The following PTPRO variants were observed in gnomAD, a reference collection of about 807,000 sequenced individuals.
PTPRO encodes the protein protein tyrosine phosphatase receptor type O, also known as receptor-type tyrosine-protein phosphatase O.
In PTPRO, 62 loss-of-function variants were observed where a neutral mutation model predicts 145.2. The ratio of observed to expected loss-of-function variants is 0.43; its 90% CI spans 0.35 to 0.53. The LOEUF (loss-of-function observed/expected upper bound fraction) is 0.53, where lower values mean the gene tolerates loss of function less well. Among genes scored for constraint, PTPRO ranks in the 20% least tolerant of loss-of-function variants. PTPRO has a pLI of 0.01. For missense variants in PTPRO, 1,345 were observed against 1,482.7 expected (o/e 0.91, Z 1.53); for synonymous variants, 565 against 514.7 (o/e 1.10, Z -1.32).
At chr12:15,568,591 G>C (rs764692401) in intron 18 of PTPRO, among the ~76,000 whole-genome samples, 1 of 152,206 alleles carries the variant, frequency 6.6e-6, no homozygotes, top group Non-Finnish European at 1.5e-5. Context: ...TGCAGAAGCA[G>C]AGAGCTACTT....
intron 1 of PTPRO, among the ~76,000 whole-genome samples, chr12:15,419,211 C>G (rs1940065452): frequency 7.3e-6 from 1 of 137,702 alleles, no homozygotes; most frequent in Non-Finnish European, 1.5e-5. Flanking sequence ...TTTGTGCCGA[C>G]AAGTCCATTT....
At chr12:15,455,137 C>G (rs1941142443) in intron 1 of PTPRO, among the ~76,000 whole-genome samples, 1 of 152,090 alleles carries the variant, frequency 6.6e-6, no homozygotes, top group Non-Finnish European at 1.5e-5. Context: ...TTCCTTCTGT[C>G]AGATAATATT....
At chr12:15,595,611 G>T (rs1295705773) in intron 26 of PTPRO, 1 of 156,838 alleles carries the variant, frequency 6.4e-6, no homozygotes, top group African/African-American at 2.4e-5. Flanking sequence ...CTGTACTCCA[G>T]TTTTGACTAC....
intron 1 of PTPRO, among the ~76,000 whole-genome samples, chr12:15,418,519 A>G (rs1026414508): frequency 6.6e-6 from 1 of 151,816 alleles, no homozygotes; most frequent in Admixed American, 6.5e-5. Context: ...AGAAGAGAAC[A>G]ATCACACAAG....
rs751345733 is a variant in PTPRO, at chr12:15,580,123, G to GAA, written c.2997+17_2997+18dup. The GAA allele has an allele frequency of 2.0e-6, 3 of 1,535,258 alleles. No individual in the cohort carries two copies. The highest frequency in any genetic ancestry group is 2.7e-6 in the Non-Finnish European group (3 of 1,124,528). ...AATGCCAACTATATTCCTGTAAGTAGAAAAAAAAAATCAGGCATCCCAAAG... is the reference window on the plus strand; with the variant it reads ...AATGCCAACTATATTCCTGTAAGTAGAAAAAAAAAAAATCAGGCATCCCAAAG... On this transcript the variant is annotated intron_variant, in intron 21 of 26. Transcript: ENST00000281171.
chr12:15,580,215 C>G (rs1195479433), intron 21 of PTPRO, 100 bp downstream of exon 21: 1 of 906,032 alleles, frequency 1.1e-6, no homozygotes, highest in African/African-American at 1.7e-5. Context: ...GAGAGCCTTT[C>G]CCAACCCAGC....
chr12:15,435,328 GA>G (rs1397311107), intron 1 of PTPRO, among the ~76,000 whole-genome samples: 2 of 152,082 alleles, frequency 1.3e-5, no homozygotes, highest in Non-Finnish European at 2.9e-5. Flanking sequence ...CATATGTATT[GA>G]AAACTAAAGC....
chr12:15,398,232 G>T (rs1330749763), intron 1 of PTPRO, among the ~76,000 whole-genome samples: 1 of 152,180 alleles, frequency 6.6e-6, no homozygotes, highest in Admixed American at 6.5e-5. Context: ...AAAAGCGGTT[G>T]TTCACAGCAG....
chr12:15,465,794 G>A (rs1040177898), intron 1 of PTPRO, among the ~76,000 whole-genome samples: 2 of 152,186 alleles, frequency 1.3e-5, no homozygotes, highest in African/African-American at 4.8e-5. Context: ...TTGTGACAGA[G>A]AAGTAGTGTC....
chr12:15,459,629 G>A lies in PTPRO; in HGVS notation c.76-24345G>A, dbSNP rs986799150. On this transcript the variant is annotated intron_variant, in intron 1 of 26. Transcript: ENST00000281171. ...TGCAAAAGGAGTTGACCTGTGTATTGGTTGTTGAATCACTGGGTTTATGAT... is the reference window on the plus strand; with the variant it reads ...TGCAAAAGGAGTTGACCTGTGTATTAGTTGTTGAATCACTGGGTTTATGAT... Among the ~76,000 whole-genome samples, 15 of 152,262 alleles carry A rather than the reference G, an allele frequency of 9.9e-5. No individual in the cohort carries two copies. In the South Asian group the frequency reaches 2.9e-3, roughly 29 times the overall value.
intron 1 of PTPRO, among the ~76,000 whole-genome samples, chr12:15,454,137 G>T (rs1347441175): frequency 3.3e-5 from 5 of 152,094 alleles, no homozygotes; most frequent in Admixed American, 1.3e-4. Context: ...ATTTTTAATT[G>T]TGTAGGTACC....
chr12:15,508,494 G>C, intron 6 of PTPRO, 77 bp from the exon 7 acceptor site: 1 of 1,440,054 alleles, frequency 6.9e-7, no homozygotes, highest in Non-Finnish European at 9.6e-7. Context: ...AAGAAAACAT[G>C]ATTTTTTAAA....
intron 15 of PTPRO, among the ~76,000 whole-genome samples, chr12:15,555,096 G>A (rs1173596514): frequency 6.6e-6 from 1 of 152,076 alleles, no homozygotes; most frequent in Non-Finnish European, 1.5e-5. Context: ...AAATTAGCCA[G>A]GCGTGGTGGC....
At chr12:15,356,371 C>T (rs1019649728) in intron 1 of PTPRO, among the ~76,000 whole-genome samples, 12 of 152,140 alleles carry the variant, frequency 7.9e-5, no homozygotes, top group Non-Finnish European at 1.5e-5. Context: ...AGAAGTCACT[C>T]CCAATTCTGA....
intron 1 of PTPRO, among the ~76,000 whole-genome samples, chr12:15,391,422 T>C (rs1392764107): frequency 6.6e-6 from 1 of 152,210 alleles, no homozygotes; most frequent in Non-Finnish European, 1.5e-5. Flanking sequence ...CCTAGGGTTC[T>C]TTGCTAGTTG....
chr12:15,528,376 A>T (rs1439121621), intron 12 of PTPRO, among the ~76,000 whole-genome samples: 2 of 142,884 alleles, frequency 1.4e-5, no homozygotes, highest in Admixed American at 1.4e-4. Flanking sequence ...AAAAAAAAAA[A>T]TTAGCCAGCA....
chr12:15,520,195 A>G lies in PTPRO; in HGVS notation c.1780-6A>G, dbSNP rs771447319. On this transcript the variant is annotated splice_polypyrimidine_tract_variant and splice_region_variant and intron_variant, in intron 9 of 26. Transcript: ENST00000281171. ...TTTTGTCTCCTTGCTTGCTTTTCTC[A>G]TTCAGAGAATAGCTAATCTGCTGCC... 5 of 1,603,120 alleles carry G rather than the reference A, an allele frequency of 3.1e-6. No homozygotes were observed. In the East Asian group the frequency reaches 1.1e-4, roughly 36 times the overall value.
At chr12:15,578,403 G>A (rs1472329933) in intron 19 of PTPRO, among the ~76,000 whole-genome samples, 1 of 152,130 alleles carries the variant, frequency 6.6e-6, no homozygotes, top group Non-Finnish European at 1.5e-5. Context: ...GTATTTATGT[G>A]TTGTATTAGA....
chr12:15,363,443 T>C (rs1328778074), intron 1 of PTPRO, among the ~76,000 whole-genome samples: 6 of 152,080 alleles, frequency 3.9e-5, no homozygotes, highest in Non-Finnish European at 8.8e-5. Context: ...AGAATCTGAA[T>C]TCAAAAAGAC....
Sources: gnomAD v4.1 joint callset for allele counts (sites outside exome capture counted in the v4.1 genomes callset) on GRCh38, gnomAD v4.1.1 for gene constraint, MANE v1.5 for transcripts, NCBI Gene and HGNC (gene_info 2026-07-23, HGNC 2026-07-21) for gene names.